The following PELI2 variants were observed in gnomAD, a reference collection of about 807,000 sequenced individuals.
PELI2 encodes pellino E3 ubiquitin protein ligase family member 2, also known as E3 ubiquitin-protein ligase pellino homolog 2.
In PELI2, 23 loss-of-function variants were observed where a neutral mutation model predicts 42.3. The observed-to-expected ratio is 0.54, with a 90% CI of 0.39 to 0.77. The LOEUF is 0.77. Among genes scored for constraint, PELI2 ranks in the 30% least tolerant of loss-of-function variants. The probability of loss-of-function intolerance (pLI) is 0.00; values close to 1 mark genes in which losing one functional copy is unlikely to be tolerated. For missense variants in PELI2, 463 were observed against 553.2 expected, an observed-to-expected ratio of 0.84 and a Z score of 1.64; for synonymous variants, 245 against 212.2, an observed-to-expected ratio of 1.15 and a Z score of -1.34.
intron 2 of PELI2, among the ~76,000 whole-genome samples, chr14:56,225,867 A>C (rs562045368): frequency 1.3e-5 from 2 of 152,110 alleles, no homozygotes; most frequent in Non-Finnish European, 2.9e-5. Context: ...ACTAGTCCCC[A>C]TTCTGGTGTT....
chr14:56,213,340 T>G (rs1463084159), intron 2 of PELI2, among the ~76,000 whole-genome samples: 1 of 152,188 alleles, frequency 6.6e-6, no homozygotes, highest in Non-Finnish European at 1.5e-5. Context: ...AGGCAGAAGC[T>G]TTGCACAGTG....
intron 2 of PELI2, among the ~76,000 whole-genome samples, chr14:56,203,584 G>A (rs1886414497): frequency 6.6e-6 from 1 of 152,084 alleles, no homozygotes; most frequent in Admixed American, 6.5e-5. Context: ...ACAAAGCAGT[G>A]ATTAAAAATG....
intron 2 of PELI2, among the ~76,000 whole-genome samples, chr14:56,181,840 ATGTGTGTG>A (rs3042510): frequency 1.9e-4 from 28 of 148,310 alleles, no homozygotes; most frequent in African/African-American, 4.4e-4. Context: ...TGATTATGTA[ATGTGTGTG>A]TGTGTGTGTG....
intron 3 of PELI2, among the ~76,000 whole-genome samples, chr14:56,282,587 A>C (rs1889516911): frequency 1.3e-5 from 2 of 151,964 alleles, no homozygotes; most frequent in African/African-American, 4.8e-5. Context: ...GATATTTAAA[A>C]ACTAAATAAT....
At chr14:56,203,943 A>G (rs1477012694) in intron 2 of PELI2, among the ~76,000 whole-genome samples, 3 of 152,210 alleles carry the variant, frequency 2.0e-5, no homozygotes, top group African/African-American at 7.2e-5. Context: ...AGAAAATGAC[A>G]AATGAAGGAG....
At chr14:56,280,391 A>G (rs897256146) in intron 3 of PELI2, among the ~76,000 whole-genome samples, 8 of 150,534 alleles carry the variant, frequency 5.3e-5, no homozygotes, top group African/African-American at 2.0e-4. Context: ...AGAAGGAAGG[A>G]AAAAAACATT....
intron 3 of PELI2, among the ~76,000 whole-genome samples, chr14:56,286,851 A>G (rs930172741): frequency 1.3e-5 from 2 of 152,232 alleles, no homozygotes; most frequent in Non-Finnish European, 2.9e-5. Context: ...AAGTGGAAGC[A>G]AACTGATAAG....
chr14:56,200,174 TTTC>T (rs1483729293), intron 2 of PELI2, among the ~76,000 whole-genome samples: 1 of 152,272 alleles, frequency 6.6e-6, no homozygotes, highest in Non-Finnish European at 1.5e-5. Flanking sequence ...ACAGAAGGTA[TTTC>T]TTCTTTCTTT....
chr14:56,168,898 C>T (rs1885066041), intron 1 of PELI2, among the ~76,000 whole-genome samples: 1 of 152,022 alleles, frequency 6.6e-6, no homozygotes, highest in South Asian at 2.1e-4. Flanking sequence ...GTGATGAATT[C>T]TGGCAGGACT....
intron 2 of PELI2, among the ~76,000 whole-genome samples, chr14:56,276,241 C>T (rs912293547): frequency 4.6e-5 from 7 of 152,254 alleles, no homozygotes; most frequent in Admixed American, 1.3e-4. Context: ...CTAAATCTGA[C>T]TCTATTTTAG....
At chr14:56,246,888 T>G (rs1888181544) in intron 2 of PELI2, among the ~76,000 whole-genome samples, 1 of 152,210 alleles carries the variant, frequency 6.6e-6, no homozygotes, top group Admixed American at 6.5e-5. Context: ...ATTTAAGAAA[T>G]ATTACATTCT....
intron 1 of PELI2, among the ~76,000 whole-genome samples, chr14:56,171,123 C>T (rs1885152509): frequency 6.6e-6 from 1 of 152,108 alleles, no homozygotes; most frequent in Non-Finnish European, 1.5e-5. Context: ...TTCTACTATA[C>T]AAAAGATGGT....
chr14:56,235,476 C>G (rs562387634), intron 2 of PELI2, among the ~76,000 whole-genome samples: 1 of 152,192 alleles, frequency 6.6e-6, no homozygotes, highest in African/African-American at 2.4e-5. Flanking sequence ...TCTACGCTAA[C>G]GGGTGGCATC....
At chr14:56,280,758 C>T (rs922563509) in intron 3 of PELI2, among the ~76,000 whole-genome samples, 6 of 152,130 alleles carry the variant, frequency 3.9e-5, no homozygotes, top group East Asian at 1.9e-4. Flanking sequence ...TTTTACCCTA[C>T]GCATTTTCAC....
At chr14:56,231,067 A>G (rs754920004) in intron 2 of PELI2, among the ~76,000 whole-genome samples, 2 of 152,224 alleles carry the variant, frequency 1.3e-5, no homozygotes, top group African/African-American at 2.4e-5. Context: ...TATCCTAAAT[A>G]TATATGCACC....
At chr14:56,246,930 A>G (rs377128569) in intron 2 of PELI2, among the ~76,000 whole-genome samples, 2 of 152,370 alleles carry the variant, frequency 1.3e-5, no homozygotes. Context: ...ACAGAAATAT[A>G]TAAGAAAAAC....
chr14:56,135,785 C>A (rs890922029), intron 1 of PELI2, among the ~76,000 whole-genome samples: 2 of 152,304 alleles, frequency 1.3e-5, no homozygotes, highest in East Asian at 3.9e-4. Flanking sequence ...TGGTTAACAA[C>A]CTTGGCTTTA....
chr14:56,157,538 CA>C (rs1461411253), intron 1 of PELI2, among the ~76,000 whole-genome samples: 6 of 151,940 alleles, frequency 3.9e-5, no homozygotes, highest in Non-Finnish European at 5.9e-5. Flanking sequence ...CACTCCCCCC[CA>C]AAAAAAATCT....
At chr14:56,249,019 C>G (rs1296070803) in intron 2 of PELI2, among the ~76,000 whole-genome samples, 1 of 152,136 alleles carries the variant, frequency 6.6e-6, no homozygotes, top group Non-Finnish European at 1.5e-5. Context: ...TGGGCCTTTC[C>G]CACAAAGGCT....
Sources: gnomAD v4.1 joint callset for allele counts (sites outside exome capture counted in the v4.1 genomes callset) on GRCh38, gnomAD v4.1.1 for gene constraint, MANE v1.5 for transcripts, NCBI Gene and HGNC (gene_info 2026-07-23, HGNC 2026-07-21) for gene names.